ZPR1: variants seen among roughly 807,000 people sequenced by gnomAD.
ZPR1 encodes zinc finger protein ZPR1.
ZPR1 carries 37 observed loss-of-function variants against 59.6 expected under a neutral mutation model. The observed-to-expected ratio is 0.62, with a 90% confidence interval of 0.48 to 0.82. The LOEUF (loss-of-function observed/expected upper bound fraction) is 0.82, where lower values mean the gene tolerates loss of function less well. Ranked by LOEUF, ZPR1 falls within the 40% of genes least tolerant of loss-of-function variation. The pLI is 0.00. For synonymous variants in ZPR1, 191 were observed against 215.2 expected (o/e 0.89, Z 0.99); for missense variants, 527 against 579.9 (o/e 0.91, Z 0.94).
Position 116,785,178 on chromosome 11 carries a change from G to A in ZPR1, c.706-32C>T, listed in dbSNP as rs760933388. ...TAGCAAAGATGCAGGTCGCAAGTTG[G>A]CAGGTATACCTCAGTGTCCCCAACA... On this transcript the variant is annotated intron_variant, in intron 6 of 13. Transcript: ENST00000227322. 12 of 1,612,942 alleles carry A rather than the reference G, an allele frequency of 7.4e-6. No individual in the cohort carries two copies. The Admixed American group carries it at 1.0e-4, about 13-fold the overall frequency.
intron 7 of ZPR1, 32 bp downstream of exon 7, chr11:116,785,067 C>T: frequency 6.2e-7 from 1 of 1,613,916 alleles, no homozygotes; most frequent in Non-Finnish European, 8.5e-7. Flanking sequence ...CACAACTCTG[C>T]TCCTTCCTCA....
intron 12 of ZPR1, among the ~76,000 whole-genome samples, chr11:116,781,227 G>GA (rs1042371393): frequency 2.0e-5 from 3 of 151,780 alleles, no homozygotes; most frequent in African/African-American, 7.3e-5. Flanking sequence ...AAAAAAATCA[G>GA]AAAAAAGATA....
rs1940816261 is a variant in ZPR1 at position 116,782,144 on chromosome 11, C to T, written c.1179+14G>A. On this transcript the variant is annotated intron_variant, in intron 12 of 13. Transcript: ENST00000227322. ...CCCAGGATTCTAAGTACTGACTGGC[C>T]AGTGACCTCTTACCTGGTCCATCTT... 1 of 1,610,570 alleles carries T rather than the reference C, an allele frequency of 6.2e-7. No homozygotes were observed. The highest frequency in any genetic ancestry group is 1.3e-5 in the African/African-American group (1 of 74,796).
In ZPR1 at chr11:116,775,456, CAAAAAA is replaced by C. The variant is rs556748837; in HGVS notation, c.*3463_*3468del. 93 of 68,018 alleles carry C rather than the reference CAAAAAA, an allele frequency of 1.4e-3. 1 individual carries two copies. The highest frequency in any genetic ancestry group is 4.4e-3 in the African/African-American group (85 of 19,366). 4.2% of individuals were successfully genotyped at this position (68,018 alleles called of 1,614,324 possible). A position where few individuals can be genotyped will look rare whatever the true frequency, so the allele number is the denominator to read the frequency against. ...CTGGGTGACAGAGCAAGACTGTCTC[CAAAAAA>C]AAAAAAAAAAAAAAAATTAGCCAGG... On this transcript the variant is annotated 3_prime_UTR_variant, in exon 14 of 14. Transcript: ENST00000227322.
At position 116,784,483 on chromosome 11, in the gene ZPR1, C is replaced by T. The variant is rs550019727; in HGVS notation, c.821-35G>A. The T allele has an allele frequency of 8.7e-5, 138 of 1,591,036 alleles. No individual in the cohort carries two copies. In the South Asian group the frequency reaches 1.1e-3, roughly 13 times the overall value. ...GGAGTTAAGGAAATCTACTTCCAGG[C>T]GAACAAGACCACCATCTGGGGAAAA... On this transcript the variant is annotated intron_variant, in intron 8 of 13. Transcript: ENST00000227322.
In ZPR1 at chr11:116,786,593, G is replaced by C. The variant is rs779340746; in HGVS notation, c.425-12C>G. 1.9e-6 allele frequency: 3 copies of C among 1,613,018 alleles called. No homozygotes were observed. Among genetic ancestry groups the C allele is most frequent in the Middle Eastern group, 1.7e-4 (1 of 6,060 alleles). On this transcript the variant is annotated splice_polypyrimidine_tract_variant and intron_variant, in intron 3 of 13. Coordinates refer to ENST00000227322, the MANE Select transcript of ZPR1 (RefSeq NM_003904.5). Reference sequence around the variant, plus strand: ...AACAGTGGTCAGAGCTTGTGAACAAGAACAAAAGACAAGTGTGACTTAGCC... The same window carrying C: ...AACAGTGGTCAGAGCTTGTGAACAACAACAAAAGACAAGTGTGACTTAGCC...
chr11:116,779,136 C>T (rs1940765958), intron 13 of ZPR1, 77 bp from the exon 14 acceptor site: 1 of 1,573,466 alleles, frequency 6.4e-7, no homozygotes, highest in Non-Finnish European at 8.6e-7. Flanking sequence ...TTCCCACCTT[C>T]CCAAGAACAG....
chr11:116,782,870 C>T (rs758621213), intron 11 of ZPR1, 49 bp downstream of exon 11: 3 of 1,489,540 alleles, frequency 2.0e-6, no homozygotes, highest in South Asian at 2.3e-5. Context: ...TCCCTCTTCA[C>T]ACAGCCAAAT....
rs916898286 is a variant in ZPR1, at chr11:116,773,980, G to A, written c.*4945C>T. On this transcript the variant is annotated 3_prime_UTR_variant, in exon 14 of 14. Transcript: ENST00000227322. ...CATAGTCAGAACATGACTCTAGGGA[G>A]TAGAGGCTAGCGAAGTGGGGTGCAA... 1 of 152,180 alleles carries A rather than the reference G, an allele frequency of 6.6e-6. No individual in the cohort carries two copies. The highest frequency in any genetic ancestry group is 1.9e-4 in the East Asian group (1 of 5,202). 9.4% of individuals were successfully genotyped at this position (152,180 alleles called of 1,614,324 possible). A position where few individuals can be genotyped will look rare whatever the true frequency, so the allele number is the denominator to read the frequency against.
rs562855935 is a variant in ZPR1 at position 116,775,007 on chromosome 11, G to A, written c.*3918C>T. On this transcript the variant is annotated 3_prime_UTR_variant, in exon 14 of 14. Coordinates refer to ENST00000227322, the MANE Select transcript of ZPR1 (RefSeq NM_003904.5). ...CCACCCTGTGCTGCAGGGCAGTTAAGCAGGATCAGATGCCGTGCCAATGGC... is the reference window on the plus strand; with the variant it reads ...CCACCCTGTGCTGCAGGGCAGTTAAACAGGATCAGATGCCGTGCCAATGGC... 70 of 152,464 alleles carry A rather than the reference G, an allele frequency of 4.6e-4. No individual in the cohort carries two copies. The highest frequency in any genetic ancestry group is 7.9e-4 in the Non-Finnish European group (54 of 68,106). 9.4% of individuals were successfully genotyped at this position (152,464 alleles called of 1,614,324 possible).
At chr11:116,785,992 G>A in intron 4 of ZPR1, 110 bp from the exon 5 acceptor site, 1 of 945,460 alleles carries the variant, frequency 1.1e-6, no homozygotes, top group Non-Finnish European at 1.7e-6. Context: ...CTCAGTGTGA[G>A]TGGAAACAGA....
At position 116,774,147 on chromosome 11, in the gene ZPR1, A is replaced by T. The variant is rs1940689867; in HGVS notation, c.*4778T>A. Reference sequence around the variant, plus strand: ...AAGGTGTACAATGTGATGACTGGATATAATTATACATTGTGTAATGATTAC... The same window carrying T: ...AAGGTGTACAATGTGATGACTGGATTTAATTATACATTGTGTAATGATTAC... On this transcript the variant is annotated 3_prime_UTR_variant, in exon 14 of 14. Transcript: ENST00000227322. The T allele has an allele frequency of 6.6e-6, 1 of 152,340 alleles. No homozygotes were observed. The highest frequency in any genetic ancestry group is 1.5e-5 in the Non-Finnish European group (1 of 68,030). The allele number at this position is 152,340 out of a possible 1,614,324, so 9.4% of individuals were successfully genotyped here. A position where few individuals can be genotyped will look rare whatever the true frequency, so the allele number is the denominator to read the frequency against.
rs756513625 is a variant in ZPR1 at position 116,783,627 on chromosome 11, G to A, written c.892-8C>T. 9.3e-6 allele frequency: 15 copies of A among 1,612,644 alleles called. No homozygotes were observed. Among genetic ancestry groups the A allele is most frequent in the African/African-American group, 1.3e-5 (1 of 74,878 alleles). Reference sequence around the variant, plus strand: ...TGCTCCTCCAGATTTCACCTGCATCGATAACAGTCAGGAGCAACAGAGAGA... The same window carrying A: ...TGCTCCTCCAGATTTCACCTGCATCAATAACAGTCAGGAGCAACAGAGAGA... On this transcript the variant is annotated splice_region_variant and splice_polypyrimidine_tract_variant and intron_variant, in intron 9 of 13. Transcript: ENST00000227322.
rs1330861118 is a variant in ZPR1 at position 116,778,229 on chromosome 11, AGACTT to A, written c.*691_*695del. ...CTGTTTATTGTCATTTTTCCCCACT[AGACTT>A]CAAGTTCCATGAAAGAGATTTATTT... On this transcript the variant is annotated 3_prime_UTR_variant, in exon 14 of 14. Transcript: ENST00000227322. 1.3e-5 allele frequency: 2 copies of A among 152,192 alleles called. No individual in the cohort carries two copies. Among genetic ancestry groups the A allele is most frequent in the African/African-American group, 4.8e-5 (2 of 41,420 alleles). 9.4% of individuals were successfully genotyped at this position (152,192 alleles called of 1,614,324 possible).
rs527895683 is a variant in ZPR1 at position 116,775,128 on chromosome 11, A to C, written c.*3797T>G. 1 of 152,278 alleles carries C rather than the reference A, an allele frequency of 6.6e-6. No individual in the cohort carries two copies. Among genetic ancestry groups the C allele is most frequent in the African/African-American group, 2.4e-5 (1 of 41,448 alleles). The allele number at this position is 152,278 out of a possible 1,614,324, so 9.4% of individuals were successfully genotyped here. A position where few individuals can be genotyped will look rare whatever the true frequency, so the allele number is the denominator to read the frequency against. Reference sequence around the variant, plus strand: ...TTAAAATATTCAGACCTCAGGTTTCAGAGTCTGACTGGCATGGGTTTGACA... The same window carrying C: ...TTAAAATATTCAGACCTCAGGTTTCCGAGTCTGACTGGCATGGGTTTGACA... On this transcript the variant is annotated 3_prime_UTR_variant, in exon 14 of 14. Transcript: ENST00000227322.
intron 2 of ZPR1, 112 bp from the exon 3 acceptor site, chr11:116,787,171 C>T (rs1179770581): frequency 1.0e-6 from 1 of 961,606 alleles, no homozygotes; most frequent in Non-Finnish European, 1.7e-6. Context: ...CTCTCCCTCT[C>T]GCCACTCCAC....
Position 116,784,332 on chromosome 11 carries a change from G to T in ZPR1, c.891+46C>A, listed in dbSNP as rs1417905558. The stretch of plus-strand genomic sequence containing the variant: ...TAGGAAGAATGATAGTTAAAAGGGG[G>T]TTACCCTTAAGCTAGTCTTCTTCCC... On this transcript the variant is annotated intron_variant, in intron 9 of 13. Transcript: ENST00000227322. 2.5e-6 allele frequency: 4 copies of T among 1,590,334 alleles called. No individual in the cohort carries two copies. The Admixed American group carries it at 5.0e-5, about 20-fold the overall frequency.
At chr11:116,780,748 G>A (rs1431997902) in intron 12 of ZPR1, among the ~76,000 whole-genome samples, 1 of 152,126 alleles carries the variant, frequency 6.6e-6, no homozygotes, top group Non-Finnish European at 1.5e-5. Flanking sequence ...TAAGCCCCAT[G>A]TCAACAAGGC....
At chr11:116,780,806 A>G (rs1478058466) in intron 12 of ZPR1, among the ~76,000 whole-genome samples, 1 of 152,178 alleles carries the variant, frequency 6.6e-6, no homozygotes, top group East Asian at 1.9e-4. Context: ...GAAGACAATC[A>G]ATGATTATCA....
Sources: gnomAD v4.1 joint callset for allele counts (sites outside exome capture counted in the v4.1 genomes callset) on GRCh38, gnomAD v4.1.1 for gene constraint, MANE v1.5 for transcripts, NCBI Gene and HGNC (gene_info 2026-07-23, HGNC 2026-07-21) for gene names.